The following FSTL4 variants were observed in gnomAD, a reference collection of about 807,000 sequenced individuals.
The protein encoded by FSTL4 is follistatin-related protein 4.
In FSTL4, 28 loss-of-function variants were observed where a neutral mutation model predicts 78.2. The observed-to-expected ratio is 0.36, with a 90% CI of 0.27 to 0.49. The LOEUF (loss-of-function observed/expected upper bound fraction) is 0.49, where lower values mean the gene tolerates loss of function less well. Ranked by LOEUF, FSTL4 falls within the 20% of genes least tolerant of loss-of-function variation. The probability of loss-of-function intolerance (pLI) is 0.98; values close to 1 mark genes in which losing one functional copy is unlikely to be tolerated. For missense variants in FSTL4, 922 were observed against 1,084.9 expected, an observed-to-expected ratio of 0.85 and a Z score of 2.11; for synonymous variants, 422 against 440.5, an observed-to-expected ratio of 0.96 and a Z score of 0.53.
At chr5:133,809,934 C>A in the FSTL4 span, among the ~76,000 whole-genome samples, 1 of 152,236 alleles carries the variant, frequency 6.6e-6, no homozygotes, top group African/African-American at 2.4e-5. Context: ...TCATGATGCA[C>A]AAAGGCAGAC....
the FSTL4 span, among the ~76,000 whole-genome samples, chr5:133,629,957 T>C: frequency 2.6e-5 from 4 of 152,266 alleles, no homozygotes; most frequent in East Asian, 7.7e-4. Flanking sequence ...CTCTTTATGC[T>C]AAAAACTCTC....
At chr5:133,423,941 T>C (rs1468657915) in intron 3 of FSTL4, among the ~76,000 whole-genome samples, 1 of 152,160 alleles carries the variant, frequency 6.6e-6, no homozygotes, top group African/African-American at 2.4e-5. Flanking sequence ...GAGCCCAGCA[T>C]GGAGCTGAGG....
At chr5:133,311,377 A>C (rs1452191360) in intron 6 of FSTL4, among the ~76,000 whole-genome samples, 2 of 152,122 alleles carry the variant, frequency 1.3e-5, no homozygotes, top group African/African-American at 4.8e-5. Context: ...AGTCACAGTA[A>C]ATCAAGCAAA....
intron 3 of FSTL4, among the ~76,000 whole-genome samples, chr5:133,529,222 C>G (rs990152765): frequency 1.3e-5 from 2 of 152,206 alleles, no homozygotes; most frequent in African/African-American, 2.4e-5. Flanking sequence ...ACCTAGCATT[C>G]CCTGTGAATA....
At chr5:133,718,000 A>G in the FSTL4 span, among the ~76,000 whole-genome samples, 54,750 of 152,114 alleles carry the variant, frequency 0.36, 11,103 homozygotes, top group African/African-American at 0.56. Context: ...CAAAGTGGAC[A>G]TATCATTGTA....
chr5:133,497,987 G>T (rs1758405226), intron 3 of FSTL4, among the ~76,000 whole-genome samples: 1 of 152,010 alleles, frequency 6.6e-6, no homozygotes, highest in Non-Finnish European at 1.5e-5. Flanking sequence ...TGACTTGCGG[G>T]GTCTGTCTCC....
chr5:133,441,462 G>A (rs896791129), intron 3 of FSTL4, among the ~76,000 whole-genome samples: 7 of 149,950 alleles, frequency 4.7e-5, no homozygotes, highest in Admixed American at 1.3e-4. Context: ...GCCGAGAAAC[G>A]TTTAGTGCAG....
At chr5:133,544,031 C>T (rs749859869) in intron 3 of FSTL4, among the ~76,000 whole-genome samples, 1 of 151,978 alleles carries the variant, frequency 6.6e-6, no homozygotes, top group Non-Finnish European at 1.5e-5. Flanking sequence ...GATTTCAGTA[C>T]AAAAATTTGA....
chr5:133,242,882 A>G (rs142727962), intron 7 of FSTL4, among the ~76,000 whole-genome samples: 3 of 152,354 alleles, frequency 2.0e-5, no homozygotes, highest in East Asian at 3.9e-4. Flanking sequence ...ACCACTGTCT[A>G]TCGTGGTGCA....
intron 3 of FSTL4, among the ~76,000 whole-genome samples, chr5:133,513,209 G>T (rs1323870642): frequency 6.6e-6 from 1 of 152,156 alleles, no homozygotes; most frequent in Non-Finnish European, 1.5e-5. Context: ...TTGCTTTGAT[G>T]ACGCCTAACT....
intron 3 of FSTL4, among the ~76,000 whole-genome samples, chr5:133,414,492 C>T (rs1756538869): frequency 6.6e-6 from 1 of 152,166 alleles, no homozygotes; most frequent in African/African-American, 2.4e-5. Flanking sequence ...TAAACCAAAA[C>T]CAACGTTCAC....
chr5:133,402,288 G>A (rs916153186), intron 3 of FSTL4, among the ~76,000 whole-genome samples: 2 of 152,186 alleles, frequency 1.3e-5, no homozygotes, highest in African/African-American at 4.8e-5. Context: ...GCTGGAAAGG[G>A]CACGTTTAAG....
In FSTL4 at chr5:133,197,529, C is replaced by G. The variant is rs955845129; in HGVS notation, c.*1566G>C. The stretch of plus-strand genomic sequence containing the variant: ...GATCTGGGGCGGGGGATGCAGGTGG[C>G]TTGGCAGTCAGGCAGGAGTGAAAGG... On this transcript the variant is annotated 3_prime_UTR_variant, in exon 16 of 16. Transcript: ENST00000265342. The G allele has an allele frequency of 1.3e-5, 2 of 152,484 alleles. No homozygotes were observed. The highest frequency in any genetic ancestry group is 4.8e-5 in the African/African-American group (2 of 41,424). The allele number at this position is 152,484 out of a possible 1,614,324, so 9.4% of individuals were successfully genotyped here. A position where few individuals can be genotyped will look rare whatever the true frequency, so the allele number is the denominator to read the frequency against.
rs555907612 is a variant in FSTL4 at position 133,454,442 on chromosome 5, G to A, written c.161-53456C>T. On this transcript the variant is annotated intron_variant, in intron 3 of 15. Coordinates refer to ENST00000265342, the MANE Select transcript of FSTL4 (RefSeq NM_015082.2). ...TTCTGAATGGTGGGTTTGCACCAGC[G>A]ATACCCCTTCCTCCACACACAACTT... Among the ~76,000 whole-genome samples the A allele has an allele frequency of 3.9e-5, 6 of 152,264 alleles. No individual in the cohort carries two copies. In the East Asian group the frequency reaches 7.7e-4, roughly 20 times the overall value.
chr5:133,672,407 G>A, the FSTL4 span, among the ~76,000 whole-genome samples: 3 of 152,308 alleles, frequency 2.0e-5, no homozygotes, highest in Non-Finnish European at 2.9e-5. Context: ...AAGCCAGTGC[G>A]ATTTGGGATG....
At chr5:133,656,762 G>C in the FSTL4 span, among the ~76,000 whole-genome samples, 1 of 152,182 alleles carries the variant, frequency 6.6e-6, no homozygotes, top group African/African-American at 2.4e-5. Flanking sequence ...GGATGCAGGA[G>C]AGTGACTTTG....
chr5:133,620,157 C>CA, the FSTL4 span, among the ~76,000 whole-genome samples: 3 of 152,104 alleles, frequency 2.0e-5, no homozygotes, highest in African/African-American at 7.2e-5. Context: ...CAAGTGTAGG[C>CA]AAAAAACTGT....
the FSTL4 span, among the ~76,000 whole-genome samples, chr5:133,747,912 C>T: frequency 6.6e-6 from 1 of 152,138 alleles, no homozygotes; most frequent in Admixed American, 6.5e-5. Context: ...AAACCCAAAC[C>T]CAGGCTGGGA....
intron 6 of FSTL4, among the ~76,000 whole-genome samples, chr5:133,250,385 G>A (rs1752184500): frequency 6.6e-6 from 1 of 152,164 alleles, no homozygotes; most frequent in African/African-American, 2.4e-5. Flanking sequence ...GCCCACTGAT[G>A]GGACTGGCTC....
Sources: gnomAD v4.1 joint callset for allele counts (sites outside exome capture counted in the v4.1 genomes callset) on GRCh38, gnomAD v4.1.1 for gene constraint, MANE v1.5 for transcripts, NCBI Gene and HGNC (gene_info 2026-07-23, HGNC 2026-07-21) for gene names.